SSPN: variants seen among roughly 807,000 people sequenced by gnomAD.
SSPN encodes sarcospan.
In SSPN, 15 loss-of-function variants were observed where a neutral mutation model predicts 19.1. The observed-to-expected ratio is 0.78, with a 90% CI of 0.52 to 1.21. The LOEUF is 1.21. Ranked by LOEUF, SSPN falls within the 50% of genes most tolerant of loss-of-function variation. The pLI is 0.00. For synonymous variants in SSPN, 147 were observed against 140.3 expected (o/e 1.05, Z -0.34); for missense variants, 291 against 314.0 (o/e 0.93, Z 0.55).
intron 2 of SSPN, among the ~76,000 whole-genome samples, chr12:26,224,775 C>G (rs1565694266): frequency 6.9e-6 from 1 of 145,354 alleles, no homozygotes; most frequent in African/African-American, 2.4e-5. Context: ...TAGGTGGGAT[C>G]ACTGAGACAG....
intron 1 of SSPN, chr12:26,124,095 G>A: frequency 1.2e-6 from 2 of 1,610,224 alleles, no homozygotes; most frequent in Non-Finnish European, 1.7e-6. Flanking sequence ...TGTTCAGGCA[G>A]TAAATCTTTC....
At chr12:26,146,131 G>A (rs184182550) in intron 1 of SSPN, among the ~76,000 whole-genome samples, 18 of 152,338 alleles carry the variant, frequency 1.2e-4, no homozygotes, top group Non-Finnish European at 1.9e-4. Context: ...GTGAAGAGAA[G>A]GGTGGTGCCT....
chr12:26,122,476 A>G, intron 1 of SSPN: 6 of 1,340,016 alleles, frequency 4.5e-6, no homozygotes, highest in Non-Finnish European at 4.8e-6. Context: ...GGCAGGCAGA[A>G]GGGGGCCGCG....
chr12:26,185,812 G>C (rs1178422203), intron 1 of SSPN, among the ~76,000 whole-genome samples: 1 of 152,176 alleles, frequency 6.6e-6, no homozygotes, highest in Non-Finnish European at 1.5e-5. Context: ...ACTTTGCCCT[G>C]TGTGCCTGTC....
At chr12:26,141,909 G>T (rs569945067) in intron 1 of SSPN, among the ~76,000 whole-genome samples, 9 of 152,308 alleles carry the variant, frequency 5.9e-5, no homozygotes, top group Non-Finnish European at 1.2e-4. Flanking sequence ...GGCTATAAAA[G>T]GGACTCATAT....
chr12:26,150,616 G>C (rs1052079875), intron 1 of SSPN, among the ~76,000 whole-genome samples: 1 of 91,840 alleles, frequency 1.1e-5, no homozygotes, highest in Admixed American at 9.2e-5. Flanking sequence ...TTTAATTTGG[G>C]GAGTCATCTG....
intron 1 of SSPN, among the ~76,000 whole-genome samples, chr12:26,215,995 T>G (rs2137491497): frequency 6.6e-6 from 1 of 152,270 alleles, no homozygotes; most frequent in Admixed American, 6.5e-5. Context: ...AAACATCAGT[T>G]TTCTCTCCCT....
intron 1 of SSPN, among the ~76,000 whole-genome samples, chr12:26,212,904 G>A (rs1394220399): frequency 6.6e-6 from 1 of 151,310 alleles, no homozygotes; most frequent in East Asian, 1.9e-4. Context: ...TTTAACGCTG[G>A]TCCACTAATG....
intron 1 of SSPN, among the ~76,000 whole-genome samples, chr12:26,166,374 A>G (rs1352855005): frequency 6.6e-6 from 1 of 152,226 alleles, no homozygotes; most frequent in Non-Finnish European, 1.5e-5. Context: ...AAAACACTAT[A>G]TAAATGCCTG....
chr12:26,211,141 G>A (rs1160833332), intron 1 of SSPN: 2 of 152,122 alleles, frequency 1.3e-5, no homozygotes, highest in Non-Finnish European at 2.9e-5. Flanking sequence ...CATGTCCTAT[G>A]ACTGTTCAGC....
chr12:26,193,643 T>G (rs1470322640), upstream of SSPN, among the ~76,000 whole-genome samples: 1 of 152,166 alleles, frequency 6.6e-6, no homozygotes, highest in East Asian at 1.9e-4. Context: ...TAACGCCAGT[T>G]TTTATTTGTC....
rs184190262 is a variant in SSPN, at chr12:26,231,833, T to C, written c.*757T>C. 4 of 622,426 alleles carry C rather than the reference T, an allele frequency of 6.4e-6. No individual in the cohort carries two copies. The African/African-American group carries it at 8.0e-5, about 12-fold the overall frequency. The allele number at this position is 622,426 out of a possible 1,614,324, so 38.6% of individuals were successfully genotyped here. ...ATTACATTATGCTTCTATTCTATCA[T>C]CTAAAACAAATCATTAAAACTAATT... On this transcript the variant is annotated 3_prime_UTR_variant, in exon 3 of 3. Transcript: ENST00000242729.
At chr12:26,160,269 G>A (rs1041159014) in intron 1 of SSPN, among the ~76,000 whole-genome samples, 1 of 152,178 alleles carries the variant, frequency 6.6e-6, no homozygotes, top group East Asian at 1.9e-4. Context: ...AAAGAAAACA[G>A]GAAAATGCCC....
At chr12:26,151,784 GAA>G (rs552789268) in intron 1 of SSPN, among the ~76,000 whole-genome samples, 1 of 151,938 alleles carries the variant, frequency 6.6e-6, no homozygotes, top group Non-Finnish European at 1.5e-5. Flanking sequence ...CACATGTGGA[GAA>G]AAAAAATATA....
chr12:26,125,741 C>G (rs1381430912), intron 1 of SSPN: 1 of 151,868 alleles, frequency 6.6e-6, no homozygotes, highest in Non-Finnish European at 1.5e-5. Flanking sequence ...ACGTTTGGGG[C>G]CGCGTGTGCT....
At chr12:26,169,960 A>G (rs1944644710) in intron 1 of SSPN, among the ~76,000 whole-genome samples, 1 of 152,178 alleles carries the variant, frequency 6.6e-6, no homozygotes, top group South Asian at 2.1e-4. Context: ...ATTTGACCTT[A>G]AAGACACAAA....
chr12:26,196,006 C>G lies in SSPN; in HGVS notation c.279+55C>G, dbSNP rs7979441. On this transcript the variant is annotated intron_variant, in intron 1 of 2. Transcript: ENST00000242729. ...CGTTTGCCAAACAGGAATGCGAAGT[C>G]GCATGGTCGAGTTGAGACTAACCCA... is the stretch of plus-strand genomic sequence containing the variant. 2,403 of 1,374,182 alleles carry G rather than the reference C, an allele frequency of 1.7e-3. 45 individuals are homozygous for G. The African/African-American group carries it at 0.032, about 18-fold the overall frequency. 85.1% of individuals were successfully genotyped at this position (1,374,182 alleles called of 1,614,324 possible). A position where few individuals can be genotyped will look rare whatever the true frequency, so the allele number is the denominator to read the frequency against.
At chr12:26,227,220 G>A (rs1945187393) in intron 2 of SSPN, among the ~76,000 whole-genome samples, 1 of 152,166 alleles carries the variant, frequency 6.6e-6, no homozygotes, top group South Asian at 2.1e-4. Flanking sequence ...TAAAAGCCAT[G>A]AAGGAAAAAT....
At chr12:26,198,957 C>T (rs12810386) in intron 1 of SSPN, among the ~76,000 whole-genome samples, 22,872 of 152,110 alleles carry the variant, frequency 0.15, 1,999 homozygotes, top group East Asian at 0.36. Flanking sequence ...ACACTGGCTC[C>T]GGGATATAGG....
Sources: gnomAD v4.1 joint callset for allele counts (sites outside exome capture counted in the v4.1 genomes callset) on GRCh38, gnomAD v4.1.1 for gene constraint, MANE v1.5 for transcripts, NCBI Gene and HGNC (gene_info 2026-07-23, HGNC 2026-07-21) for gene names.